Variants in PIWIL2 observed in about 807,000 individuals in gnomAD.
The protein encoded by PIWIL2 is piwi-like protein 2.
A neutral mutation model predicts 116.5 loss-of-function variants in PIWIL2; 81 were observed. That is an observed-to-expected ratio of 0.70 (90% CI 0.58 to 0.84). The LOEUF is 0.84. Ranked by LOEUF, PIWIL2 falls within the 40% of genes least tolerant of loss-of-function variation. PIWIL2 has a pLI of 0.00. For synonymous variants in PIWIL2, 489 were observed against 429.5 expected (o/e 1.14, Z -1.71); for missense variants, 1,272 against 1,212.3 (o/e 1.05, Z -0.73).
chr8:22,349,804 A>G (rs1832315290), intron 20 of PIWIL2, among the ~76,000 whole-genome samples: 2 of 152,216 alleles, frequency 1.3e-5, no homozygotes, highest in South Asian at 4.1e-4. Flanking sequence ...AATGGGCATG[A>G]TTCAGGCTAA....
At chr8:22,309,605 C>T (rs1831276521) in intron 14 of PIWIL2, among the ~76,000 whole-genome samples, 1 of 152,352 alleles carries the variant, frequency 6.6e-6, no homozygotes, top group East Asian at 1.9e-4. Flanking sequence ...TCCCAAAGTG[C>T]TGGGATTACA....
intron 5 of PIWIL2, among the ~76,000 whole-genome samples, chr8:22,283,695 C>T (rs918664387): frequency 1.3e-5 from 2 of 152,194 alleles, no homozygotes; most frequent in Admixed American, 1.3e-4. Context: ...AGGTGTGAGC[C>T]ACTGTGTCCG....
At position 22,307,800 on chromosome 8, in the gene PIWIL2, A is replaced by C. The variant is rs552420220; in HGVS notation, c.1546-133A>C. 1.1e-5 allele frequency: 7 copies of C among 630,470 alleles called. No individual in the cohort carries two copies. The East Asian group carries it at 1.6e-4, about 15-fold the overall frequency. 39.1% of individuals were successfully genotyped at this position (630,470 alleles called of 1,614,324 possible). A position where few individuals can be genotyped will look rare whatever the true frequency, so the allele number is the denominator to read the frequency against. On this transcript the variant is annotated intron_variant, in intron 13 of 22. Coordinates refer to ENST00000356766, the MANE Select transcript of PIWIL2 (RefSeq NM_018068.5). ...ACCTTCCTAAGAGATATATTTAATAAGTCCTTGAAGATGTTTGAAAATTTC... is the reference window on the plus strand; with the variant it reads ...ACCTTCCTAAGAGATATATTTAATACGTCCTTGAAGATGTTTGAAAATTTC...
chr8:22,312,083 G>C (rs1390661808), intron 16 of PIWIL2, among the ~76,000 whole-genome samples: 4 of 151,894 alleles, frequency 2.6e-5, no homozygotes, highest in Non-Finnish European at 5.9e-5. Context: ...GGGCAACCTG[G>C]CAAAACCCTG....
At chr8:22,281,938 A>AT (rs772207501) in intron 4 of PIWIL2, among the ~76,000 whole-genome samples, 1 of 147,752 alleles carries the variant, frequency 6.8e-6, no homozygotes, top group African/African-American at 2.5e-5. Context: ...TACCCAACTA[A>AT]TTTTTTGTAT....
In PIWIL2 at chr8:22,356,707, T is replaced by C. The variant is rs1180395854; in HGVS notation, c.*1202T>C. The C allele has an allele frequency of 6.6e-6, 1 of 152,190 alleles. No homozygotes were observed. Among genetic ancestry groups the C allele is most frequent in the Non-Finnish European group, 1.5e-5 (1 of 68,026 alleles). The allele number at this position is 152,190 out of a possible 1,614,324, so 9.4% of individuals were successfully genotyped here. A position where few individuals can be genotyped will look rare whatever the true frequency, so the allele number is the denominator to read the frequency against. The stretch of plus-strand genomic sequence containing the variant: ...AAATAACCGCTTCCTGGCTGTTGGC[T>C]CACTTTGCTGGAATTTTTCTGAATC... On this transcript the variant is annotated 3_prime_UTR_variant, in exon 23 of 23. Transcript: ENST00000356766.
At chr8:22,302,095 G>C (rs1299283881) in intron 10 of PIWIL2, among the ~76,000 whole-genome samples, 1 of 151,996 alleles carries the variant, frequency 6.6e-6, no homozygotes, top group Non-Finnish European at 1.5e-5. Context: ...GGGTTATTTA[G>C]AGTGTATTAT....
chr8:22,338,092 C>CAA (rs971328900), intron 20 of PIWIL2, among the ~76,000 whole-genome samples: 5 of 126,870 alleles, frequency 3.9e-5, no homozygotes, highest in African/African-American at 1.5e-4. Flanking sequence ...GACTCCATCT[C>CAA]AAAAAAAAAA....
rs1222097505 is a variant in PIWIL2 at position 22,288,565 on chromosome 8, GA to G, written c.889del (p.Thr297GlnfsTer12). ...QQVLELKSQR[K>X]TDSAEISIKI... ...AGGTTCTTGAGTTAAAAAGTCAAAG[GA>G]AAACAGACAGTGCTGAAATCAGCAT... On this transcript the variant is annotated frameshift_variant, in exon 8 of 23. Coordinates refer to ENST00000356766, the MANE Select transcript of PIWIL2 (RefSeq NM_018068.5). LOFTEE classifies it high-confidence loss of function. 4 of 1,612,978 alleles carry G rather than the reference GA, an allele frequency of 2.5e-6. No homozygotes were observed. The highest frequency in any genetic ancestry group is 3.4e-6 in the Non-Finnish European group (4 of 1,179,094).
intron 20 of PIWIL2, among the ~76,000 whole-genome samples, chr8:22,338,691 AAAATAAATAAAT>A (rs71544880): frequency 0.011 from 1,667 of 150,076 alleles, 12 homozygotes; most frequent in Non-Finnish European, 0.019. Flanking sequence ...CTCCATCTCA[AAAATAAATAAAT>A]AAATAAATAA....
intron 20 of PIWIL2, among the ~76,000 whole-genome samples, chr8:22,324,498 G>C (rs1831678970): frequency 6.6e-6 from 1 of 152,046 alleles, no homozygotes; most frequent in African/African-American, 2.4e-5. Context: ...CAGAACTAGT[G>C]GGTTTTCTCT....
intron 20 of PIWIL2, among the ~76,000 whole-genome samples, chr8:22,347,626 A>G (rs1210409630): frequency 6.7e-6 from 1 of 150,254 alleles, no homozygotes; most frequent in Non-Finnish European, 1.5e-5. Context: ...TCTCGGGTTC[A>G]AGCTGTTCTC....
chr8:22,355,763 G>T lies in PIWIL2; in HGVS notation c.*258G>T, dbSNP rs1180039234. The T allele has an allele frequency of 1.1e-4, 49 of 455,310 alleles. 1 individual carries two copies. The South Asian group carries it at 1.2e-3, about 11-fold the overall frequency. The allele number at this position is 455,310 out of a possible 1,614,324, so 28.2% of individuals were successfully genotyped here. A position where few individuals can be genotyped will look rare whatever the true frequency, so the allele number is the denominator to read the frequency against. ...TACTGCCACTCTGCAGGTGGAGCGG[G>T]TGACTCTGGGGGACCATTAAGACCT... On this transcript the variant is annotated 3_prime_UTR_variant, in exon 23 of 23. Transcript: ENST00000356766.
intron 20 of PIWIL2, among the ~76,000 whole-genome samples, chr8:22,342,198 G>A (rs998628633): frequency 6.6e-6 from 1 of 152,138 alleles, no homozygotes; most frequent in Admixed American, 6.5e-5. Context: ...TGTGTTCATT[G>A]ATAAGAAGAC....
chr8:22,288,013 T>C (rs1303638776), intron 7 of PIWIL2, among the ~76,000 whole-genome samples: 1 of 152,078 alleles, frequency 6.6e-6, no homozygotes, highest in East Asian at 1.9e-4. Context: ...AAATTGCAAA[T>C]GTAGGCCGGG....
At chr8:22,288,315 A>AAC (rs1320192635) in intron 7 of PIWIL2, among the ~76,000 whole-genome samples, 1 of 151,932 alleles carries the variant, frequency 6.6e-6, no homozygotes, top group Non-Finnish European at 1.5e-5. Context: ...AAAAAAAAAA[A>AAC]AAATTGCAAA....
rs548399199 is a variant in PIWIL2 at position 22,314,154 on chromosome 8, T to G, written c.1990-174T>G. Among the ~76,000 whole-genome samples, 4 of 152,314 alleles carry G rather than the reference T, an allele frequency of 2.6e-5. No homozygotes were observed. In the Middle Eastern group the frequency reaches 0.014, roughly 518 times the overall value. ...AGAACAGCCCTGAGCCAAAGAATGCTAATTCAGCTCCAAGGACCTTGTTCT... is the reference window on the plus strand; with the variant it reads ...AGAACAGCCCTGAGCCAAAGAATGCGAATTCAGCTCCAAGGACCTTGTTCT... On this transcript the variant is annotated intron_variant, in intron 16 of 22. Coordinates refer to ENST00000356766, the MANE Select transcript of PIWIL2 (RefSeq NM_018068.5).
At chr8:22,318,022 T>G in intron 19 of PIWIL2, 148 bp from the exon 20 acceptor site, 1 of 576,426 alleles carries the variant, frequency 1.7e-6, no homozygotes, top group East Asian at 2.9e-5. Flanking sequence ...ATGTCACTGC[T>G]TGTTCTTACA....
intron 20 of PIWIL2, among the ~76,000 whole-genome samples, chr8:22,331,534 A>G (rs1265345623): frequency 4.6e-5 from 7 of 152,142 alleles, no homozygotes; most frequent in Non-Finnish European, 1.0e-4. Context: ...GAAATACAAC[A>G]TTAAGAATTT....
Sources: allele counts gnomAD v4.1 joint callset (sites outside exome capture counted in the v4.1 genomes callset), GRCh38; gene constraint gnomAD v4.1.1; transcripts MANE v1.5; gene names NCBI Gene and HGNC (gene_info 2026-07-23, HGNC 2026-07-21).